The following NELL2 variants were observed in gnomAD, a reference collection of about 807,000 sequenced individuals.
NELL2 encodes the protein protein kinase C-binding protein NELL2.
A neutral mutation model predicts 109.6 loss-of-function variants in NELL2; 41 were observed. The ratio of observed to expected loss-of-function variants is 0.37; its 90% CI spans 0.29 to 0.49. NELL2 has a LOEUF of 0.49. Among genes scored for constraint, NELL2 ranks in the 20% least tolerant of loss-of-function variants. The pLI is 0.98. For synonymous variants in NELL2, 355 were observed against 344.7 expected (o/e 1.03, Z -0.33); for missense variants, 900 against 1,008.3 (o/e 0.89, Z 1.45).
At chr12:44,628,072 T>A (rs920250248) in intron 13 of NELL2, among the ~76,000 whole-genome samples, 1 of 152,136 alleles carries the variant, frequency 6.6e-6, no homozygotes, top group African/African-American at 2.4e-5. Flanking sequence ...TACTTTATAA[T>A]CAATGCTGAA....
At chr12:44,604,038 A>G (rs968158641) in intron 15 of NELL2, among the ~76,000 whole-genome samples, 2 of 152,270 alleles carry the variant, frequency 1.3e-5, no homozygotes, top group African/African-American at 2.4e-5. Flanking sequence ...AGCATCCTTT[A>G]ACTTTGCAGA....
At chr12:44,574,364 AT>A (rs1292229727) in intron 15 of NELL2, among the ~76,000 whole-genome samples, 5 of 152,236 alleles carry the variant, frequency 3.3e-5, no homozygotes, top group African/African-American at 9.6e-5. Context: ...TTGAAAATGT[AT>A]AAAATAAAAA....
chr12:44,760,510 AT>A (rs1941077056), intron 9 of NELL2, among the ~76,000 whole-genome samples: 1 of 152,206 alleles, frequency 6.6e-6, no homozygotes, highest in African/African-American at 2.4e-5. Flanking sequence ...CTAGAAAGCT[AT>A]GATAAAATAC....
At chr12:44,596,786 A>G (rs951111642) in intron 15 of NELL2, among the ~76,000 whole-genome samples, 5 of 152,152 alleles carry the variant, frequency 3.3e-5, no homozygotes, top group African/African-American at 1.2e-4. Context: ...GCACATAAAT[A>G]TTAAGTAATT....
intron 13 of NELL2, among the ~76,000 whole-genome samples, chr12:44,623,744 C>T (rs1946139949): frequency 6.6e-6 from 1 of 152,252 alleles, no homozygotes; most frequent in Admixed American, 6.5e-5. Context: ...GCCATTTTTA[C>T]TTATGCCCTT....
intron 13 of NELL2, among the ~76,000 whole-genome samples, chr12:44,640,266 T>C (rs1167022163): frequency 6.6e-6 from 1 of 152,198 alleles, no homozygotes; most frequent in East Asian, 1.9e-4. Flanking sequence ...CACTTTTCAC[T>C]GAGTCTCTTA....
intron 19 of NELL2, among the ~76,000 whole-genome samples, chr12:44,516,375 G>T (rs1406088048): frequency 1.3e-5 from 2 of 152,058 alleles, no homozygotes; most frequent in Admixed American, 6.5e-5. Flanking sequence ...CAATATATTT[G>T]TGTGTGTATA....
intron 2 of NELL2, among the ~76,000 whole-genome samples, chr12:44,840,149 T>C (rs940236268): frequency 3.9e-5 from 6 of 151,986 alleles, no homozygotes; most frequent in African/African-American, 1.4e-4. Context: ...AAAACCTAAA[T>C]GCTTTCCAAG....
chr12:44,705,705 C>T (rs1937838946), intron 11 of NELL2, among the ~76,000 whole-genome samples: 2 of 152,062 alleles, frequency 1.3e-5, no homozygotes, highest in African/African-American at 2.4e-5. Flanking sequence ...CTTCAAAAAC[C>T]ACTTTATATT....
At chr12:44,758,672 G>A (rs1940995373) in intron 9 of NELL2, among the ~76,000 whole-genome samples, 1 of 152,126 alleles carries the variant, frequency 6.6e-6, no homozygotes, top group Non-Finnish European at 1.5e-5. Flanking sequence ...TGCCCTGTAT[G>A]AAACAGATTA....
At chr12:44,597,985 C>G (rs1945035891) in intron 15 of NELL2, among the ~76,000 whole-genome samples, 1 of 152,112 alleles carries the variant, frequency 6.6e-6, no homozygotes, top group Non-Finnish European at 1.5e-5. Context: ...TTGAATAGCT[C>G]TGAATCTTGA....
At chr12:44,809,053 T>C (rs1047592190) in intron 3 of NELL2, among the ~76,000 whole-genome samples, 5 of 152,108 alleles carry the variant, frequency 3.3e-5, no homozygotes, top group South Asian at 2.1e-4. Context: ...ATAAACCCCT[T>C]GGAACAAATT....
intron 14 of NELL2, among the ~76,000 whole-genome samples, chr12:44,608,426 G>A (rs1945486342): frequency 2.0e-5 from 3 of 152,096 alleles, no homozygotes; most frequent in African/African-American, 2.4e-5. Flanking sequence ...TTGCAAGGTT[G>A]CAGCCTGTTG....
intron 2 of NELL2, among the ~76,000 whole-genome samples, chr12:44,819,675 C>CA (rs1475321074): frequency 6.6e-6 from 1 of 152,110 alleles, no homozygotes; most frequent in Non-Finnish European, 1.5e-5. Context: ...CATGCAGGGT[C>CA]ACAATTCAGG....
chr12:44,727,400 G>T (rs142081005), intron 9 of NELL2, among the ~76,000 whole-genome samples: 4 of 151,938 alleles, frequency 2.6e-5, no homozygotes, highest in African/African-American at 9.7e-5. Context: ...TAATGCACAG[G>T]TTGCTATAAG....
chr12:44,787,154 A>T (rs191693079), intron 3 of NELL2, among the ~76,000 whole-genome samples: 2 of 152,344 alleles, frequency 1.3e-5, no homozygotes, highest in Admixed American at 1.3e-4. Flanking sequence ...TACCAAAATT[A>T]AAAATACAAT....
At chr12:44,568,683 T>A (rs899024055) in intron 15 of NELL2, among the ~76,000 whole-genome samples, 6 of 152,130 alleles carry the variant, frequency 3.9e-5, no homozygotes, top group African/African-American at 1.4e-4. Flanking sequence ...GAGATTAGAC[T>A]GCCACAGGCT....
chr12:44,674,840 T>A (rs1433389472), intron 12 of NELL2, among the ~76,000 whole-genome samples: 1 of 152,206 alleles, frequency 6.6e-6, no homozygotes, highest in Non-Finnish European at 1.5e-5. Context: ...TCCAAATTTC[T>A]TCATATGGTA....
At chr12:44,887,514 A>G (rs1945487190) in intron 1 of NELL2, among the ~76,000 whole-genome samples, 1 of 151,834 alleles carries the variant, frequency 6.6e-6, no homozygotes, top group South Asian at 2.1e-4. Flanking sequence ...TTATCTGGTG[A>G]TTAGTGATGT....
Sources: gnomAD v4.1 joint callset for allele counts (sites outside exome capture counted in the v4.1 genomes callset) on GRCh38, gnomAD v4.1.1 for gene constraint, MANE v1.5 for transcripts, NCBI Gene and HGNC (gene_info 2026-07-23, HGNC 2026-07-21) for gene names.